The following KHDRBS2 variants were observed in gnomAD, a reference collection of about 807,000 sequenced individuals.
KHDRBS2 encodes KH domain-containing, RNA-binding, signal transduction-associated protein 2.
In KHDRBS2, 26 loss-of-function variants were observed where a neutral mutation model predicts 44.3. The ratio of observed to expected loss-of-function variants is 0.59; its 90% CI spans 0.43 to 0.81. The LOEUF is 0.81. Ranked by LOEUF, KHDRBS2 falls within the 40% of genes least tolerant of loss-of-function variation. The pLI is 0.00. For synonymous variants in KHDRBS2, 194 were observed against 151.1 expected (o/e 1.28, Z -2.08); for missense variants, 476 against 433.1 (o/e 1.10, Z -0.88).
At chr6:61,919,480 TAGATA>T (rs1311019799) in intron 4 of KHDRBS2, among the ~76,000 whole-genome samples, 1 of 151,828 alleles carries the variant, frequency 6.6e-6, no homozygotes, top group African/African-American at 2.4e-5. Flanking sequence ...ACAGTGTGAT[TAGATA>T]AAACTGTAAT....
the KHDRBS2 span, among the ~76,000 whole-genome samples, chr6:61,550,766 C>CTTTTTTTTTT: frequency 3.4e-5 from 4 of 117,038 alleles, no homozygotes; most frequent in African/African-American, 3.4e-5. Flanking sequence ...GAGATGGTAT[C>CTTTTTTTTTT]TTTTTTTTTT....
intron 2 of KHDRBS2, among the ~76,000 whole-genome samples, chr6:62,112,929 C>T (rs1359729262): frequency 3.9e-5 from 6 of 152,118 alleles, no homozygotes; most frequent in African/African-American, 1.4e-4. Context: ...GTTGTGTTGG[C>T]TCTCTCTTCA....
At chr6:61,861,821 G>A (rs1056553052) in intron 6 of KHDRBS2, among the ~76,000 whole-genome samples, 2 of 151,994 alleles carry the variant, frequency 1.3e-5, no homozygotes, top group Non-Finnish European at 2.9e-5. Flanking sequence ...TCATTTTCAC[G>A]ATAGTGATCC....
intron 6 of KHDRBS2, among the ~76,000 whole-genome samples, chr6:61,839,003 C>A (rs1012905126): frequency 6.6e-6 from 1 of 152,018 alleles, no homozygotes; most frequent in Admixed American, 6.6e-5. Flanking sequence ...CACAATGCTC[C>A]AGAAACTCTT....
intron 3 of KHDRBS2, among the ~76,000 whole-genome samples, chr6:61,994,309 C>A (rs1160883739): frequency 6.6e-6 from 1 of 152,122 alleles, no homozygotes; most frequent in Non-Finnish European, 1.5e-5. Context: ...GAACTCACCT[C>A]TAAAAGAATG....
At chr6:61,901,129 G>T in intron 5 of KHDRBS2, 115 bp downstream of exon 5, 1 of 940,402 alleles carries the variant, frequency 1.1e-6, no homozygotes, top group Non-Finnish European at 1.6e-6. Context: ...TTTTGCTGTG[G>T]TGGTAGTGAT....
At chr6:61,580,386 T>C in the KHDRBS2 span, among the ~76,000 whole-genome samples, 3 of 152,074 alleles carry the variant, frequency 2.0e-5, no homozygotes, top group African/African-American at 4.8e-5. Context: ...CTCTGTAAAA[T>C]AGACCAATCA....
chr6:61,945,099 A>ATAT (rs1562489783), intron 4 of KHDRBS2, among the ~76,000 whole-genome samples: 1 of 67,944 alleles, frequency 1.5e-5, no homozygotes, highest in Non-Finnish European at 2.8e-5. Context: ...TTAAAAAAAA[A>ATAT]AAAAAAAAAA....
intron 3 of KHDRBS2, among the ~76,000 whole-genome samples, chr6:62,000,270 C>A (rs1200353866): frequency 1.3e-5 from 2 of 152,084 alleles, no homozygotes; most frequent in African/African-American, 2.4e-5. Context: ...GAACTTATAC[C>A]ATTTCCCAAG....
chr6:61,862,267 A>G (rs1188387830), intron 6 of KHDRBS2, among the ~76,000 whole-genome samples: 1 of 151,860 alleles, frequency 6.6e-6, no homozygotes, highest in African/African-American at 2.4e-5. Flanking sequence ...TCTTCAAGGA[A>G]AGATAGTTTG....
intron 2 of KHDRBS2, among the ~76,000 whole-genome samples, chr6:62,052,699 C>T (rs770907999): frequency 6.6e-6 from 1 of 151,928 alleles, no homozygotes; most frequent in African/African-American, 2.4e-5. Flanking sequence ...TTAAGATTCT[C>T]ATAAGGAATG....
intron 7 of KHDRBS2, among the ~76,000 whole-genome samples, chr6:61,715,439 C>T (rs1771236447): frequency 6.6e-6 from 1 of 151,910 alleles, no homozygotes; most frequent in Non-Finnish European, 1.5e-5. Context: ...TATGCCCCAA[C>T]ACTTTCAAAT....
chr6:61,597,253 T>C, the KHDRBS2 span, among the ~76,000 whole-genome samples: 1 of 152,096 alleles, frequency 6.6e-6, no homozygotes, highest in Non-Finnish European at 1.5e-5. Context: ...TTACAAAGAG[T>C]TTAAAAATAG....
At chr6:62,149,689 T>C (rs1814683898) in intron 2 of KHDRBS2, among the ~76,000 whole-genome samples, 1 of 152,216 alleles carries the variant, frequency 6.6e-6, no homozygotes, top group Non-Finnish European at 1.5e-5. Flanking sequence ...TGAAAGAATT[T>C]GACAGTCATT....
At chr6:62,198,416 G>C (rs1253402025) in intron 1 of KHDRBS2, among the ~76,000 whole-genome samples, 1 of 152,006 alleles carries the variant, frequency 6.6e-6, no homozygotes, top group Non-Finnish European at 1.5e-5. Context: ...CACCACCGAT[G>C]CCACAGAAAT....
intron 2 of KHDRBS2, among the ~76,000 whole-genome samples, chr6:62,051,526 G>C (rs1377575502): frequency 1.3e-5 from 2 of 151,814 alleles, no homozygotes; most frequent in African/African-American, 2.4e-5. Context: ...TATATGTTTA[G>C]ATTTATTTCT....
the KHDRBS2 span, among the ~76,000 whole-genome samples, chr6:61,567,187 T>C: frequency 6.6e-6 from 1 of 152,188 alleles, no homozygotes; most frequent in Admixed American, 6.5e-5. Flanking sequence ...TTGAGAAAGA[T>C]ATTTCTGGGT....
At chr6:61,592,035 GA>G in the KHDRBS2 span, among the ~76,000 whole-genome samples, 2 of 151,720 alleles carry the variant, frequency 1.3e-5, no homozygotes, top group Non-Finnish European at 2.9e-5. Flanking sequence ...ACAAACAACA[GA>G]AAAAACTAGC....
rs1454602023 is a variant in KHDRBS2, at chr6:62,212,230, A to C, written c.92-34918T>G. On this transcript the variant is annotated intron_variant, in intron 1 of 8. Transcript: ENST00000281156. ...ATATATAGGTAGGTAAATGCTATAC[A>C]TAATATATGTAAAACACAAACTAAA... Among the ~76,000 whole-genome samples, 6 of 152,180 alleles carry C rather than the reference A, an allele frequency of 3.9e-5. No individual in the cohort carries two copies. The East Asian group carries it at 1.2e-3, about 29-fold the overall frequency.
Sources: allele counts gnomAD v4.1 joint callset (sites outside exome capture counted in the v4.1 genomes callset), GRCh38; gene constraint gnomAD v4.1.1; transcripts MANE v1.5; gene names NCBI Gene and HGNC (gene_info 2026-07-23, HGNC 2026-07-21).